PAAF1: variants seen among roughly 807,000 people sequenced by gnomAD.
PAAF1 encodes the protein proteasomal ATPase associated factor 1, also known as proteasomal ATPase-associated factor 1.
In PAAF1, 46 loss-of-function variants were observed where a neutral mutation model predicts 52.8. That is an observed-to-expected ratio of 0.87 (90% CI 0.69 to 1.11). The LOEUF is 1.11. PAAF1 is among the 50% of genes most tolerant of loss of function. The probability of loss-of-function intolerance (pLI) is 0.00; values close to 1 mark genes in which losing one functional copy is unlikely to be tolerated. For missense variants in PAAF1, 424 were observed against 477.4 expected, an observed-to-expected ratio of 0.89 and a Z score of 1.04; for synonymous variants, 178 against 172.8, an observed-to-expected ratio of 1.03 and a Z score of -0.24.
chr11:73,895,735 G>A (rs1949326757), intron 4 of PAAF1, among the ~76,000 whole-genome samples: 1 of 152,204 alleles, frequency 6.6e-6, no homozygotes, highest in Non-Finnish European at 1.5e-5. Flanking sequence ...TTTAATAAAA[G>A]TGTACATGTA....
At chr11:73,901,830 C>G (rs138542789) in intron 6 of PAAF1, among the ~76,000 whole-genome samples, 1 of 151,604 alleles carries the variant, frequency 6.6e-6, no homozygotes, top group African/African-American at 2.4e-5. Flanking sequence ...CTCGGCCTCC[C>G]AAAGTGCTGG....
chr11:73,879,764 T>G (rs1948841732), intron 2 of PAAF1: 1 of 151,540 alleles, frequency 6.6e-6, no homozygotes, highest in Admixed American at 6.6e-5. Context: ...TCCCAGCTAC[T>G]TGGGAGGCTG....
At chr11:73,882,561 C>T (rs894860200) in intron 2 of PAAF1, among the ~76,000 whole-genome samples, 4 of 151,922 alleles carry the variant, frequency 2.6e-5, no homozygotes, top group Non-Finnish European at 5.9e-5. Flanking sequence ...ATTCTCCTGC[C>T]TCAGCCTCCC....
intron 10 of PAAF1, among the ~76,000 whole-genome samples, chr11:73,923,575 G>A (rs188380802): frequency 2.0e-4 from 31 of 151,994 alleles, no homozygotes; most frequent in African/African-American, 6.0e-4. Flanking sequence ...TCACTCTGTC[G>A]CCCAGGCTGG....
At chr11:73,887,553 C>A in intron 3 of PAAF1, 96 bp downstream of exon 3, 1 of 723,882 alleles carries the variant, frequency 1.4e-6, no homozygotes, top group Non-Finnish European at 2.1e-6. Flanking sequence ...TGTGTATCTC[C>A]ACTTCATTTG....
intron 7 of PAAF1, among the ~76,000 whole-genome samples, chr11:73,910,022 G>A (rs1304315483): frequency 6.6e-6 from 1 of 152,178 alleles, no homozygotes; most frequent in South Asian, 2.1e-4. Context: ...GCTGCAGGTT[G>A]GACAAGCTTG....
At chr11:73,878,651 G>A in intron 1 of PAAF1, 128 bp from the exon 2 acceptor site, 1 of 683,692 alleles carries the variant, frequency 1.5e-6, no homozygotes, top group East Asian at 2.6e-5. Context: ...TCGATGAGAG[G>A]TTGGACTATC....
At position 73,920,267 on chromosome 11, in the gene PAAF1, C is replaced by T. The variant is rs541366746; in HGVS notation, c.1018+1235C>T. 2.6e-5 allele frequency among the ~76,000 whole-genome samples: 4 copies of T among 152,230 alleles called. No individual in the cohort carries two copies. In the East Asian group the frequency reaches 7.7e-4, roughly 29 times the overall value. On this transcript the variant is annotated intron_variant, in intron 10 of 11. Transcript: ENST00000310571. ...AAAACAAGTAGGCTGGGCACAGTGG[C>T]TCATGCCTATAATCCCAGCATTTTG...
intron 9 of PAAF1, among the ~76,000 whole-genome samples, chr11:73,917,421 A>G (rs1950098008): frequency 6.6e-6 from 1 of 152,256 alleles, no homozygotes; most frequent in Non-Finnish European, 1.5e-5. Flanking sequence ...AGATATCCAA[A>G]GAGAATCACA....
intron 4 of PAAF1, among the ~76,000 whole-genome samples, chr11:73,896,518 T>C (rs1172145944): frequency 7.9e-5 from 12 of 151,084 alleles, no homozygotes; most frequent in Non-Finnish European, 1.6e-4. Flanking sequence ...GCATGCTGCC[T>C]TCAAGCATCT....
rs201097052 is a variant in PAAF1 at position 73,918,984 on chromosome 11, C to T, written c.970C>T (p.Pro324Ser). ...ACAAGTCATCCACAGATCAGGAGCA[C>T]CAGTTCTATCCCTGCTAAGTGTCAG... ...PVQVIHRSGA[P>S]VLSLLSVRDG... The change falls in exon 10 of 12, where the codon CCA becomes TCA. Residue 324 changes from proline (P) to serine (S), a missense_variant. By Grantham distance (74) the Pro-to-Ser change is moderately conservative. Coordinates refer to ENST00000310571, the MANE Select transcript of PAAF1 (RefSeq NM_025155.3). 1.2e-5 allele frequency: 20 copies of T among 1,613,846 alleles called. No individual in the cohort carries two copies. Among genetic ancestry groups the T allele is most frequent in the Non-Finnish European group, 6.8e-6 (8 of 1,179,990 alleles).
At chr11:73,878,083 TC>T (rs1451630072) in intron 1 of PAAF1, among the ~76,000 whole-genome samples, 1 of 152,204 alleles carries the variant, frequency 6.6e-6, no homozygotes, top group African/African-American at 2.4e-5. Flanking sequence ...AACATAGCCT[TC>T]TGCATTTAAG....
chr11:73,912,050 C>T (rs937209481), intron 7 of PAAF1, among the ~76,000 whole-genome samples: 70 of 152,036 alleles, frequency 4.6e-4, no homozygotes, highest in African/African-American at 1.5e-3. Flanking sequence ...TTCATGGCTT[C>T]TGTGATACCA....
intron 5 of PAAF1, 123 bp downstream of exon 5, chr11:73,899,367 G>T (rs1331830024): frequency 1.7e-5 from 8 of 483,154 alleles, no homozygotes; most frequent in East Asian, 8.0e-5. Context: ...CATGTCAGTT[G>T]ATCTCTTTTC....
intron 2 of PAAF1, among the ~76,000 whole-genome samples, chr11:73,881,247 C>A (rs913664789): frequency 6.6e-6 from 1 of 152,048 alleles, no homozygotes; most frequent in Non-Finnish European, 1.5e-5. Context: ...TTTTTTAGAT[C>A]TTTTCCCTAA....
Position 73,909,584 on chromosome 11 carries a change from C to T in PAAF1, c.718C>T (p.Gln240Ter). The T allele has an allele frequency of 6.2e-7, 1 of 1,614,012 alleles. No homozygotes were observed. The highest frequency in any genetic ancestry group is 2.2e-5 in the East Asian group (1 of 44,890). Residue 240 changes from glutamine to a stop codon, truncating the protein, a stop_gained, in exon 7 of 12, where the codon CAG becomes TAG. Coordinates refer to ENST00000310571, the MANE Select transcript of PAAF1 (RefSeq NM_025155.3). LOFTEE classifies it high-confidence loss of function. ...CTCCATAAACCTTGGCTCCCCTGAG[C>T]AGATGCCCAGTAAGTTGATAATGAT... ...DNSINLGSPE[Q>*]MPSEREVGTE... is the part of the protein sequence containing the mutation.
At chr11:73,920,506 G>C (rs1432462221) in intron 10 of PAAF1, among the ~76,000 whole-genome samples, 1 of 151,888 alleles carries the variant, frequency 6.6e-6, no homozygotes, top group Non-Finnish European at 1.5e-5. Flanking sequence ...TTTCACCCTG[G>C]GTGACAAAGC....
intron 6 of PAAF1, among the ~76,000 whole-genome samples, chr11:73,904,866 C>T (rs544292029): frequency 1.3e-5 from 2 of 152,190 alleles, no homozygotes; most frequent in African/African-American, 2.4e-5. Flanking sequence ...CTGGGATGCT[C>T]GTATGTGATT....
chr11:73,894,938 T>G (rs934090371), intron 4 of PAAF1, among the ~76,000 whole-genome samples: 16 of 152,192 alleles, frequency 1.1e-4, no homozygotes, highest in Non-Finnish European at 1.9e-4. Context: ...GAGCTGTGAT[T>G]GTGCCATTGC....
Sources: allele counts gnomAD v4.1 joint callset (sites outside exome capture counted in the v4.1 genomes callset), GRCh38; gene constraint gnomAD v4.1.1; transcripts MANE v1.5; gene names NCBI Gene and HGNC (gene_info 2026-07-23, HGNC 2026-07-21).